Variants in SACS observed in about 807,000 individuals in gnomAD.
SACS encodes the protein sacsin molecular chaperone, also known as sacsin.
A neutral mutation model predicts 348.0 loss-of-function variants in SACS; 197 were observed. The observed-to-expected ratio is 0.57, with a 90% confidence interval of 0.50 to 0.64. The LOEUF (loss-of-function observed/expected upper bound fraction) is 0.64, where lower values mean the gene tolerates loss of function less well. SACS is among the 30% of genes least tolerant of loss of function. The pLI is 0.00. For missense variants in SACS, 4,999 were observed against 5,360.8 expected (o/e 0.93, Z 2.11); for synonymous variants, 1,985 against 1,910.6 (o/e 1.04, Z -1.02).
Position 23,333,159 on chromosome 13 carries a change from T to G in SACS, c.10717A>C (p.Lys3573Gln), listed in dbSNP as rs985677785. 8 of 1,611,376 alleles carry G rather than the reference T, an allele frequency of 5.0e-6. No individual in the cohort carries two copies. The South Asian group carries it at 7.7e-5, about 16-fold the overall frequency. ...FKKLEQLIKP[K>Q]NHVTFMTSWV... is the part of the protein sequence containing the mutation. ...GATGTCATAAATGTAACATGATTTT[T>G]GGGTTTTATAAGTTGTTCCAATTTC... The change falls in exon 10 of 10, where the codon AAA (lysine) becomes CAA (glutamine). Residue 3573 changes from lysine to glutamine, a missense_variant. Lys to Gln is a moderately conservative substitution (Grantham distance 53). Coordinates refer to ENST00000382292, the MANE Select transcript of SACS (RefSeq NM_014363.6).
Position 23,335,143 on chromosome 13 carries a change from G to C in SACS, c.8733C>G (p.Asn2911Lys). 5 of 1,613,896 alleles carry C rather than the reference G, an allele frequency of 3.1e-6. No homozygotes were observed. Among genetic ancestry groups the C allele is most frequent in the Non-Finnish European group, 4.2e-6 (5 of 1,179,858 alleles). The change falls in exon 10 of 10, where the codon AAC (asparagine) becomes AAG (lysine). Residue 2911 changes from asparagine (N) to lysine (K), a missense_variant. Coordinates refer to ENST00000382292, the MANE Select transcript of SACS (RefSeq NM_014363.6). This position sits in a 1 kb window ranked among gnomAD's most constrained non-coding sequence, Gnocchi z 4.7. ...NGVGVRSDWNNSLMTALIAPA... is the reference protein window; with the variant it reads ...NGVGVRSDWNKSLMTALIAPA... ...GAGCTATTAATGCTGTCATTAAACT[G>C]TTATTCCAGTCACTTCGAACACCAA...
intron 1 of SACS, among the ~76,000 whole-genome samples, chr13:23,420,322 C>T (rs1873875988): frequency 6.6e-6 from 1 of 152,002 alleles, no homozygotes; most frequent in East Asian, 1.9e-4. Flanking sequence ...CTGGTATTTT[C>T]CTGAGGTGTG....
At position 23,338,837 on chromosome 13, in the gene SACS, CCA is replaced by C. The variant is rs1868917066; in HGVS notation, c.5037_5038del (p.Cys1679TrpfsTer22). 6.2e-7 allele frequency: 1 copy of C among 1,612,826 alleles called. No individual in the cohort carries two copies. Among genetic ancestry groups the C allele is most frequent in the Non-Finnish European group, 8.5e-7 (1 of 1,179,886 alleles). ...CTGAGTGAAAATGATAAGCCTGTGTCCACAGAGACTAAATTCATCCACAAGAG... is the reference window on the plus strand; with the variant it reads ...CTGAGTGAAAATGATAAGCCTGTGTCCAGAGACTAAATTCATCCACAAGAG... On this transcript the variant is annotated frameshift_variant, in exon 10 of 10. Transcript: ENST00000382292. LOFTEE classifies it high-confidence loss of function.
intron 2 of SACS, chr13:23,375,631 C>CT (rs1472449545): frequency 2.5e-5 from 23 of 931,848 alleles, no homozygotes; most frequent in Non-Finnish European, 2.8e-5. Flanking sequence ...GGACCGTTAG[C>CT]TGGGGATCCG....
chr13:23,414,160 C>T (rs536680303), intron 1 of SACS, among the ~76,000 whole-genome samples: 3 of 152,046 alleles, frequency 2.0e-5, no homozygotes, highest in Admixed American at 1.3e-4. Context: ...AAAAGTTAGC[C>T]GGGCGTGGTG....
At chr13:23,361,605 C>T (rs1269168243) in intron 6 of SACS, among the ~76,000 whole-genome samples, 2 of 151,954 alleles carry the variant, frequency 1.3e-5, no homozygotes, top group African/African-American at 2.4e-5. Context: ...GGTGAAACCC[C>T]GTCTCTACTA....
Position 23,353,915 on chromosome 13 carries a change from C to A in SACS, c.2094-39G>T, listed in dbSNP as rs545168518. ...GGAACAGCAATCATCATAATCTTCC[C>A]ACAATTCCAAGATTTTAAAAAAACA... On this transcript the variant is annotated intron_variant, in intron 8 of 9. Transcript: ENST00000382292. The A allele has an allele frequency of 1.7e-5, 19 of 1,124,206 alleles. No individual in the cohort carries two copies. The South Asian group carries it at 2.4e-4, about 14-fold the overall frequency. The allele number at this position is 1,124,206 out of a possible 1,614,324, so 69.6% of individuals were successfully genotyped here.
chr13:23,331,308 C>T lies in SACS; in HGVS notation c.12568G>A (p.Gly4190Ser), dbSNP rs1883461657. The change falls in exon 10 of 10, where the codon GGT (glycine) becomes AGT (serine). Residue 4190 changes from glycine (G) to serine (S), a missense_variant. Gly to Ser is a moderately conservative substitution (Grantham distance 56). Coordinates refer to ENST00000382292, the MANE Select transcript of SACS (RefSeq NM_014363.6). The part of the protein sequence containing the change: ...EYVGYLVDAE[G>S]GDIYGSYQPT... The stretch of plus-strand genomic sequence containing the variant: ...TGGTATGATCCATAGATATCACCAC[C>T]TTCAGCATCAACAAGGTACCCAACA... 10 of 1,613,974 alleles carry T rather than the reference C, an allele frequency of 6.2e-6. No homozygotes were observed. Among genetic ancestry groups the T allele is most frequent in the Non-Finnish European group, 7.6e-6 (9 of 1,179,954 alleles).
rs542758869 is a variant in SACS at position 23,340,989 on chromosome 13, A to G, written c.2887T>C (p.Ser963Pro). Reference sequence around the variant, plus strand: ...TCACTACTGTCTATTACTGAAATAGAAAGTCGCAGATCTGCTGGGAGTTTG... The same window carrying G: ...TCACTACTGTCTATTACTGAAATAGGAAGTCGCAGATCTGCTGGGAGTTTG... ...TAKLPADLRL[S>P]ISVIDSSDEA... Residue 963 changes from serine to proline, a missense_variant, in exon 10 of 10, where the codon TCT becomes CCT. This residue lies in a region of SACS where 3,156 missense variants were observed against 3,380.1 expected (regional missense o/e 0.93). Coordinates refer to ENST00000382292, the MANE Select transcript of SACS (RefSeq NM_014363.6). The G allele has an allele frequency of 6.2e-7, 1 of 1,614,134 alleles. No homozygotes were observed. The highest frequency in any genetic ancestry group is 1.1e-5 in the South Asian group (1 of 91,070).
At chr13:23,421,286 C>A (rs1282666622) in intron 1 of SACS, among the ~76,000 whole-genome samples, 2 of 151,902 alleles carry the variant, frequency 1.3e-5, no homozygotes, top group Non-Finnish European at 2.9e-5. Context: ...CAGCTGGGGC[C>A]AGATGTCCAG....
Position 23,337,932 on chromosome 13 carries a change from C to T in SACS, c.5944G>A (p.Gly1982Arg), listed in dbSNP as rs1358872394. Residue 1982 changes from glycine (G) to arginine (R), a missense_variant, in exon 10 of 10, where the codon GGA becomes AGA. This residue lies in a region of SACS where 3,156 missense variants were observed against 3,380.1 expected (regional missense o/e 0.93). Transcript: ENST00000382292. ...GKELTKVFSD[G>R]STWVSMKNVR... ...TTCTTCATGGAAACCCAAGTAGATC[C>T]ATCAGAGAAGACTTTGGTCAGTTCT... is the stretch of plus-strand genomic sequence containing the variant. 6.2e-7 allele frequency: 1 copy of T among 1,613,972 alleles called. No homozygotes were observed. The highest frequency in any genetic ancestry group is 2.2e-5 in the East Asian group (1 of 44,872).
At chr13:23,380,643 T>C (rs1872015827) in intron 2 of SACS, among the ~76,000 whole-genome samples, 1 of 152,166 alleles carries the variant, frequency 6.6e-6, no homozygotes, top group South Asian at 2.1e-4. Context: ...TTCACTAAAA[T>C]CCTATGAGGC....
chr13:23,336,587 T>C lies in SACS; in HGVS notation c.7289A>G (p.Glu2430Gly). 6.2e-7 allele frequency: 1 copy of C among 1,613,754 alleles called. No individual in the cohort carries two copies. The highest frequency in any genetic ancestry group is 1.1e-5 in the South Asian group (1 of 91,064). Reference protein sequence around the residue: ...NFQLCRRIISEGIWSLIREKK... With the variant: ...NFQLCRRIISGGIWSLIREKK... ...TTCTCTAATGAGACTCCATATTCCT[T>C]CACTGATTATTCGTCGGCAAAGCTG... The change falls in exon 10 of 10, where the codon GAA becomes GGA. Residue 2430 changes from glutamate to glycine, a missense_variant. Glu to Gly is a moderately conservative substitution (Grantham distance 98). This residue lies in a region of SACS where 3,156 missense variants were observed against 3,380.1 expected (regional missense o/e 0.93). Coordinates refer to ENST00000382292, the MANE Select transcript of SACS (RefSeq NM_014363.6).
At chr13:23,398,232 T>G (rs2137918678) in intron 2 of SACS, among the ~76,000 whole-genome samples, 1 of 145,688 alleles carries the variant, frequency 6.9e-6, no homozygotes, top group South Asian at 2.2e-4. Context: ...AAAAATACAT[T>G]TAAGAAATAC....
At chr13:23,415,692 T>C (rs1873665826) in intron 1 of SACS, among the ~76,000 whole-genome samples, 1 of 152,204 alleles carries the variant, frequency 6.6e-6, no homozygotes, top group South Asian at 2.1e-4. Context: ...TTAATATTTA[T>C]TTTTCCCAAA....
At chr13:23,371,856 G>A (rs755186067) in intron 3 of SACS, among the ~76,000 whole-genome samples, 1 of 152,210 alleles carries the variant, frequency 6.6e-6, no homozygotes, top group East Asian at 1.9e-4. Context: ...ACAGGCTGGG[G>A]AGAAGATGCA....
chr13:23,416,263 C>G (rs1873685836), intron 1 of SACS, among the ~76,000 whole-genome samples: 1 of 137,588 alleles, frequency 7.3e-6, no homozygotes, highest in South Asian at 2.3e-4. Context: ...GCCTGGGGGA[C>G]AGAGCCGACT....
At chr13:23,426,285 G>A (rs965162640) in intron 1 of SACS, among the ~76,000 whole-genome samples, 8 of 152,194 alleles carry the variant, frequency 5.3e-5, no homozygotes, top group Non-Finnish European at 1.0e-4. Flanking sequence ...ATTTGCCCAA[G>A]GTGGTCAGGG....
Position 23,355,090 on chromosome 13 carries a change from G to A in SACS, c.1522C>T (p.Leu508=), listed in dbSNP as rs2137721558. 6.2e-7 allele frequency: 1 copy of A among 1,614,200 alleles called. No individual in the cohort carries two copies. The highest frequency in any genetic ancestry group is 2.2e-5 in the East Asian group (1 of 44,878). ...MNVVPKAYAT[L]ILDSIKRLEM... ...AGACGTTTTATTGAATCTAAGATCA[G>A]AGTAGCATAAGCTTTGGGGACAACA... The change falls in exon 8 of 10, where the codon CTG becomes TTG. Residue 508 remains leucine (L), a synonymous_variant. Transcript: ENST00000382292.
Sources: gnomAD v4.1 joint callset for allele counts (sites outside exome capture counted in the v4.1 genomes callset) on GRCh38, gnomAD v4.1.1 for gene constraint, gnomAD v4.1.1 regional missense constraint, Gnocchi (gnomAD v3.1) non-coding constraint, MANE v1.5 for transcripts, NCBI Gene and HGNC (gene_info 2026-07-23, HGNC 2026-07-21) for gene names.